Variants in TNC observed in about 807,000 individuals in gnomAD.
TNC encodes tenascin.
A neutral mutation model predicts 202.4 loss-of-function variants in TNC; 109 were observed. That is an observed-to-expected ratio of 0.54 (90% confidence interval 0.46 to 0.63). The LOEUF is 0.63. TNC is among the 30% of genes least tolerant of loss of function. The probability of loss-of-function intolerance (pLI) is 0.00; values close to 1 mark genes in which losing one functional copy is unlikely to be tolerated. For synonymous variants in TNC, 1,007 were observed against 1,089.7 expected, an observed-to-expected ratio of 0.92 and a Z score of 1.50; for missense variants, 2,756 against 2,833.3, an observed-to-expected ratio of 0.97 and a Z score of 0.62.
At chr9:115,110,327 A>C (rs980135076) in intron 1 of TNC, among the ~76,000 whole-genome samples, 1 of 152,180 alleles carries the variant, frequency 6.6e-6, no homozygotes, top group African/African-American at 2.4e-5. Context: ...GAATATCTGG[A>C]CTTTTTTGCA....
intron 1 of TNC, among the ~76,000 whole-genome samples, chr9:115,096,900 G>A (rs1022225289): frequency 4.6e-5 from 7 of 152,014 alleles, no homozygotes; most frequent in Admixed American, 2.6e-4. Context: ...TTCTCCCCAC[G>A]TTAAACTAAA....
At chr9:115,025,806 C>T (rs1025314633) in intron 26 of TNC, among the ~76,000 whole-genome samples, 1 of 152,180 alleles carries the variant, frequency 6.6e-6, no homozygotes, top group East Asian at 1.9e-4. Flanking sequence ...TTATTTATTT[C>T]TCCTCTTATG....
At chr9:115,090,154 C>G (rs1367499608) in intron 2 of TNC, among the ~76,000 whole-genome samples, 4 of 152,182 alleles carry the variant, frequency 2.6e-5, no homozygotes, top group Non-Finnish European at 5.9e-5. Context: ...CTCAGTTTCT[C>G]TATTTGTAAA....
In TNC at chr9:115,086,415, C is replaced by T. The variant is rs1318568412; in HGVS notation, c.1316G>A (p.Cys439Tyr). The change falls in exon 3 of 28, where the codon TGC becomes TAC. Residue 439 changes from cysteine to tyrosine, a missense_variant. Physicochemically the swap from Cys to Tyr is radical, Grantham distance 194 (BLOSUM62 -2). Around this residue, in one of 2 missense-constraint regions of TNC, gnomAD observed 2,559 missense variants for 2,546.0 expected, o/e 1.01. Coordinates refer to ENST00000350763, the MANE Select transcript of TNC (RefSeq NM_002160.4). ...YTGEDCSQLR[C>Y]PNDCHSRGRC... Reference sequence around the variant, plus strand: ...GCCCCGACTGTGACAGTCATTGGGGCACCGTAGCTGGCTGCAGTCCTCCCC... The same window carrying T: ...GCCCCGACTGTGACAGTCATTGGGGTACCGTAGCTGGCTGCAGTCCTCCCC... 2.5e-6 allele frequency: 4 copies of T among 1,613,926 alleles called. No individual in the cohort carries two copies. Among genetic ancestry groups the T allele is most frequent in the Non-Finnish European group, 3.4e-6 (4 of 1,180,000 alleles).
At chr9:115,028,701 A>C (rs1829698854) in intron 25 of TNC, among the ~76,000 whole-genome samples, 1 of 152,132 alleles carries the variant, frequency 6.6e-6, no homozygotes, top group African/African-American at 2.4e-5. Context: ...GATGCTACAG[A>C]TAAAAGGCCA....
rs1288308499 is a variant in TNC at position 115,040,946 on chromosome 9, G to A, written c.5387C>T (p.Thr1796Ile). ...EESEPVSGSFTTALDGPSGLV... is the reference protein window; with the variant it reads ...EESEPVSGSFITALDGPSGLV... ...ACACAACCCCACCAACTCACCTGTG[G>A]TGAATGACCCTGAGACAGGTTCACT... The change falls in exon 19 of 28, where the codon ACC becomes ATC. Residue 1796 changes from threonine (T) to isoleucine (I), a missense_variant. Around this residue, in one of 2 missense-constraint regions of TNC, gnomAD observed 2,559 missense variants for 2,546.0 expected, o/e 1.01. Coordinates refer to ENST00000350763, the MANE Select transcript of TNC (RefSeq NM_002160.4). 1 of 1,612,498 alleles carries A rather than the reference G, an allele frequency of 6.2e-7. No individual in the cohort carries two copies. The highest frequency in any genetic ancestry group is 8.5e-7 in the Non-Finnish European group (1 of 1,179,342).
At chr9:115,058,699 G>A (rs1013812259) in intron 14 of TNC, among the ~76,000 whole-genome samples, 4 of 152,234 alleles carry the variant, frequency 2.6e-5, no homozygotes, top group Admixed American at 2.6e-4. Context: ...CAACTGGGAT[G>A]TACAGGTATG....
Position 115,086,754 on chromosome 9 carries a change from A to G in TNC, c.977T>C (p.Ile326Thr). ...PNDCFDRGRC[I>T]NGTCYCEEGF... is the part of the protein sequence containing the mutation. Reference sequence around the variant, plus strand: ...TTCTTCGCAGTAGCAGGTGCCATTGATGCAGCGGCCCCGGTCGAAGCAGTC... The same window carrying G: ...TTCTTCGCAGTAGCAGGTGCCATTGGTGCAGCGGCCCCGGTCGAAGCAGTC... Residue 326 changes from isoleucine (I) to threonine (T), a missense_variant, in exon 3 of 28, where the codon ATC becomes ACC. By Grantham distance (89) the Ile-to-Thr change is moderately conservative. Around this residue, in one of 2 missense-constraint regions of TNC, gnomAD observed 2,559 missense variants for 2,546.0 expected, o/e 1.01. Coordinates refer to ENST00000350763, the MANE Select transcript of TNC (RefSeq NM_002160.4). The G allele has an allele frequency of 1.2e-6, 2 of 1,613,886 alleles. No individual in the cohort carries two copies. Among genetic ancestry groups the G allele is most frequent in the Non-Finnish European group, 1.7e-6 (2 of 1,180,018 alleles).
At chr9:115,081,313 T>G (rs1834285055) in intron 6 of TNC, among the ~76,000 whole-genome samples, 1 of 152,248 alleles carries the variant, frequency 6.6e-6, no homozygotes, top group South Asian at 2.1e-4. Context: ...CACACCCCTT[T>G]GAAAGGAGAT....
chr9:115,070,920 G>T (rs1475378215), intron 10 of TNC, among the ~76,000 whole-genome samples: 5 of 152,272 alleles, frequency 3.3e-5, no homozygotes, highest in African/African-American at 1.2e-4. Flanking sequence ...ATCTATGTTT[G>T]CCTCTTATGT....
chr9:115,106,022 C>G (rs912656399), intron 1 of TNC, among the ~76,000 whole-genome samples: 10 of 152,174 alleles, frequency 6.6e-5, no homozygotes, highest in African/African-American at 1.7e-4. Flanking sequence ...AATCCTAGAC[C>G]CTTACTCCTT....
At chr9:115,052,811 T>C (rs1422575107) in intron 15 of TNC, 2 of 702,680 alleles carry the variant, frequency 2.8e-6, no homozygotes, top group Non-Finnish European at 5.2e-6. Flanking sequence ...ACTGACGTCA[T>C]AGCCAGTGTT....
At chr9:115,095,113 GT>G (rs1835541276) in intron 1 of TNC, among the ~76,000 whole-genome samples, 1 of 151,970 alleles carries the variant, frequency 6.6e-6, no homozygotes, top group Admixed American at 6.6e-5. Flanking sequence ...CTTGTGCAAG[GT>G]TATTATCTGT....
At chr9:115,078,410 T>C (rs891576395) in intron 6 of TNC, among the ~76,000 whole-genome samples, 198 bp from the exon 7 acceptor site, 4 of 152,142 alleles carry the variant, frequency 2.6e-5, no homozygotes, top group Non-Finnish European at 5.9e-5. Flanking sequence ...TCTAGTGTTT[T>C]TTGTTTTTGT....
At chr9:115,094,815 C>A (rs867790554) in intron 1 of TNC, among the ~76,000 whole-genome samples, 1 of 125,230 alleles carries the variant, frequency 8.0e-6, no homozygotes, top group South Asian at 2.6e-4. Context: ...GAACAAGTGC[C>A]TCTGTGTGTG....
At chr9:115,057,465 T>G (rs759929428) in intron 14 of TNC, 40 bp from the exon 15 acceptor site, 1 of 1,535,944 alleles carries the variant, frequency 6.5e-7, no homozygotes, top group South Asian at 1.3e-5. Context: ...AAAAATAAAT[T>G]TGAGTTAATT....
chr9:115,034,000 T>C (rs373735321), intron 22 of TNC, among the ~76,000 whole-genome samples: 1 of 152,280 alleles, frequency 6.6e-6, no homozygotes, highest in South Asian at 2.1e-4. Context: ...ATGTGGAGTG[T>C]GGTTGAACAA....
chr9:115,049,927 T>C (rs1831519961), intron 15 of TNC, among the ~76,000 whole-genome samples: 1 of 152,236 alleles, frequency 6.6e-6, no homozygotes, highest in Admixed American at 6.5e-5. Flanking sequence ...TAAATTTTGC[T>C]GTGGCTTGGA....
In TNC at chr9:115,086,417, C is replaced by T. The variant is rs773693349; in HGVS notation, c.1314G>A (p.Arg438=). The T allele has an allele frequency of 9.9e-6, 16 of 1,613,660 alleles. No homozygotes were observed. Among genetic ancestry groups the T allele is most frequent in the Non-Finnish European group, 1.4e-5 (16 of 1,179,892 alleles). ...CCCGACTGTGACAGTCATTGGGGCACCGTAGCTGGCTGCAGTCCTCCCCAG... is the reference window on the plus strand; with the variant it reads ...CCCGACTGTGACAGTCATTGGGGCATCGTAGCTGGCTGCAGTCCTCCCCAG... ...GYTGEDCSQL[R]CPNDCHSRGR... is the part of the protein sequence containing the mutation. The change falls in exon 3 of 28, where the codon CGG becomes CGA. Residue 438 remains arginine, a synonymous_variant. Transcript: ENST00000350763.
Sources: gnomAD v4.1 joint callset for allele counts (sites outside exome capture counted in the v4.1 genomes callset) on GRCh38, gnomAD v4.1.1 for gene constraint, gnomAD v4.1.1 regional missense constraint, MANE v1.5 for transcripts, NCBI Gene and HGNC (gene_info 2026-07-23, HGNC 2026-07-21) for gene names.